The following TNFRSF13B variants were observed in gnomAD, a reference collection of about 807,000 sequenced individuals.
TNFRSF13B encodes tumor necrosis factor receptor superfamily member 13B.
In TNFRSF13B, 34 loss-of-function variants were observed where a neutral mutation model predicts 24.0. The ratio of observed to expected loss-of-function variants is 1.41; its 90% CI spans 1.08 to 1.88. The LOEUF is 1.88. Ranked by LOEUF, TNFRSF13B falls within the 40% of genes most tolerant of loss-of-function variation. TNFRSF13B has a pLI of 0.00. For synonymous variants in TNFRSF13B, 173 were observed against 150.3 expected (o/e 1.15, Z -1.10); for missense variants, 415 against 380.8 (o/e 1.09, Z -0.75).
At chr17:16,958,697 C>G (rs1398771469) in intron 1 of TNFRSF13B, among the ~76,000 whole-genome samples, 1 of 151,702 alleles carries the variant, frequency 6.6e-6, no homozygotes. Context: ...GACTTTAAAT[C>G]ACAAAAAAAT....
At chr17:16,947,449 A>G (rs2087557158) in intron 3 of TNFRSF13B, among the ~76,000 whole-genome samples, 1 of 152,236 alleles carries the variant, frequency 6.6e-6, no homozygotes, top group South Asian at 2.1e-4. Flanking sequence ...CAAACTATGC[A>G]CCCAACAAAG....
At chr17:16,966,978 A>G (rs148790358) in intron 1 of TNFRSF13B, among the ~76,000 whole-genome samples, 1,930 of 151,370 alleles carry the variant, frequency 0.013, 30 homozygotes, top group South Asian at 0.03. Flanking sequence ...AGCTGGGATT[A>G]CAGGCACTCG....
At chr17:16,939,918 C>T (rs112327324) in intron 4 of TNFRSF13B, 121 bp from the exon 5 acceptor site, 27 of 1,345,990 alleles carry the variant, frequency 2.0e-5, no homozygotes, top group Middle Eastern at 2.7e-4. Context: ...CAGCGTAGAA[C>T]GCCCCCAGAC....
intron 1 of TNFRSF13B, among the ~76,000 whole-genome samples, chr17:16,961,303 G>A (rs1017872301): frequency 6.6e-6 from 1 of 152,158 alleles, no homozygotes; most frequent in East Asian, 1.9e-4. Context: ...CCAACATTCA[G>A]AACAGCATAT....
At chr17:16,956,420 C>G (rs995114909) in intron 1 of TNFRSF13B, among the ~76,000 whole-genome samples, 2 of 151,336 alleles carry the variant, frequency 1.3e-5, no homozygotes, top group Middle Eastern at 6.4e-3. Flanking sequence ...TGACAGAAAC[C>G]ATTTCCAGGG....
At chr17:16,969,806 ATAC>A (rs1229580855) in intron 1 of TNFRSF13B, among the ~76,000 whole-genome samples, 1 of 152,190 alleles carries the variant, frequency 6.6e-6, no homozygotes, top group East Asian at 1.9e-4. Context: ...CCATCTGACT[ATAC>A]TATCTATTCA....
chr17:16,967,750 TCA>T (rs1491451616), intron 1 of TNFRSF13B, among the ~76,000 whole-genome samples: 3 of 19,380 alleles, frequency 1.5e-4, no homozygotes, highest in African/African-American at 8.0e-4. Flanking sequence ...AGACTCCGTC[TCA>T]AAAAAAAAAA....
At chr17:16,945,368 G>A (rs2087540444) in intron 3 of TNFRSF13B, among the ~76,000 whole-genome samples, 1 of 152,234 alleles carries the variant, frequency 6.6e-6, no homozygotes, top group Admixed American at 6.5e-5. Flanking sequence ...TCACCGCCAA[G>A]GAGCAATAGC....
intron 4 of TNFRSF13B, chr17:16,940,045 C>T: frequency 2.0e-6 from 2 of 1,003,800 alleles, no homozygotes; most frequent in Non-Finnish European, 2.8e-6. Context: ...CAAGGGGACA[C>T]CTCCTCCTGG....
At chr17:16,946,419 G>A (rs2143652131) in intron 3 of TNFRSF13B, among the ~76,000 whole-genome samples, 1 of 152,282 alleles carries the variant, frequency 6.6e-6, no homozygotes, top group East Asian at 1.9e-4. Flanking sequence ...GCAAAAAGAG[G>A]TGTTTGCTGG....
Position 16,939,332 on chromosome 17 carries a change from TCTCTTTCCTTCTCTGC to T in TNFRSF13B, c.*199_*214del, listed in dbSNP as rs1393960690. 3.3e-4 allele frequency: 184 copies of T among 554,168 alleles called. No individual in the cohort carries two copies. The African/African-American group carries it at 3.5e-3, about 10-fold the overall frequency. The allele number at this position is 554,168 out of a possible 1,614,324, so 34.3% of individuals were successfully genotyped here. A position where few individuals can be genotyped will look rare whatever the true frequency, so the allele number is the denominator to read the frequency against. ...CTCTGCCTCTCTCCTTCTCTGCCTG[TCTCTTTCCTTCTCTGC>T]CTCTTTCCCTCTCTGCCTCTCTTCC... On this transcript the variant is annotated 3_prime_UTR_variant, in exon 5 of 5. Coordinates refer to ENST00000261652, the MANE Select transcript of TNFRSF13B (RefSeq NM_012452.3).
At chr17:16,949,923 TG>T (rs1302329320) in intron 2 of TNFRSF13B, among the ~76,000 whole-genome samples, 1 of 152,062 alleles carries the variant, frequency 6.6e-6, no homozygotes, top group African/African-American at 2.4e-5. Flanking sequence ...TGACCTCAGG[TG>T]ATCTGCCTGC....
Position 16,955,464 on chromosome 17 carries a change from T to C in TNFRSF13B, c.62-2881A>G, listed in dbSNP as rs149229198. ...ATAATTTATAGCCAGAATAAAAACA[T>C]CAGTAGAAGGGCTGGAAGATGTAAT... On this transcript the variant is annotated intron_variant, in intron 1 of 4. Transcript: ENST00000261652. 1.5e-4 allele frequency among the ~76,000 whole-genome samples: 23 copies of C among 152,326 alleles called. 1 individual carries two copies. In the East Asian group the frequency reaches 4.0e-3, roughly 27 times the overall value.
Position 16,939,320 on chromosome 17 carries a change from CT to C in TNFRSF13B, c.*226del. The C allele has an allele frequency of 1.9e-6, 1 of 538,286 alleles. No homozygotes were observed. 33.3% of individuals were successfully genotyped at this position (538,286 alleles called of 1,614,324 possible). On this transcript the variant is annotated 3_prime_UTR_variant, in exon 5 of 5. Coordinates refer to ENST00000261652, the MANE Select transcript of TNFRSF13B (RefSeq NM_012452.3). ...GCCTCTCTCCCTCTCTGCCTCTCTC[CT>C]TCTCTGCCTGTCTCTTTCCTTCTCT...
At chr17:16,945,329 G>A (rs2087540085) in intron 3 of TNFRSF13B, among the ~76,000 whole-genome samples, 1 of 152,254 alleles carries the variant, frequency 6.6e-6, no homozygotes, top group Non-Finnish European at 1.5e-5. Context: ...CACACATGAA[G>A]TGGCTAACCT....
intron 1 of TNFRSF13B, among the ~76,000 whole-genome samples, chr17:16,970,753 C>T (rs2087738005): frequency 6.6e-6 from 1 of 152,226 alleles, no homozygotes; most frequent in Admixed American, 6.5e-5. Context: ...GGTCCTGACT[C>T]GTGGCCCCAG....
At chr17:16,964,087 G>C (rs2087682511) in intron 1 of TNFRSF13B, among the ~76,000 whole-genome samples, 1 of 152,016 alleles carries the variant, frequency 6.6e-6, no homozygotes, top group Non-Finnish European at 1.5e-5. Flanking sequence ...AGGAAAAGAA[G>C]GATGAGGAAG....
chr17:16,968,828 A>G (rs1195337058), intron 1 of TNFRSF13B, among the ~76,000 whole-genome samples: 1 of 152,244 alleles, frequency 6.6e-6, no homozygotes, highest in Admixed American at 6.5e-5. Context: ...TCCAAAATAT[A>G]TAAAGAATGC....
intron 1 of TNFRSF13B, 77 bp downstream of exon 1, chr17:16,971,938 G>T: frequency 6.7e-7 from 1 of 1,490,620 alleles, no homozygotes; most frequent in South Asian, 1.1e-5. Context: ...GCTGGACCTT[G>T]CAACCCCCAC....
Sources: gnomAD v4.1 joint callset for allele counts (sites outside exome capture counted in the v4.1 genomes callset) on GRCh38, gnomAD v4.1.1 for gene constraint, MANE v1.5 for transcripts, NCBI Gene and HGNC (gene_info 2026-07-23, HGNC 2026-07-21) for gene names.